CALHM4: variants seen among roughly 807,000 people sequenced by gnomAD.
CALHM4 encodes calcium homeostasis modulator protein 4.
A neutral mutation model predicts 13.3 loss-of-function variants in CALHM4; 16 were observed. That is an observed-to-expected ratio of 1.20 (90% CI 0.81 to 1.82). CALHM4 has a LOEUF of 1.82. CALHM4 is among the 40% of genes most tolerant of loss of function. The probability of loss-of-function intolerance (pLI) is 0.00; values close to 1 mark genes in which losing one functional copy is unlikely to be tolerated. For missense variants in CALHM4, 344 were observed against 374.9 expected (o/e 0.92, Z 0.68); for synonymous variants, 127 against 137.1 (o/e 0.93, Z 0.52).
At chr6:116,552,188 C>T (rs1213735922), upstream of CALHM4, among the ~76,000 whole-genome samples, 1 of 152,154 alleles carries the variant, frequency 6.6e-6, no homozygotes, top group Non-Finnish European at 1.5e-5. Flanking sequence ...ACTAAGCACT[C>T]TGAAGATAAT....
chr6:116,531,451 G>A (rs537240713), intron 1 of CALHM4, among the ~76,000 whole-genome samples: 7 of 152,118 alleles, frequency 4.6e-5, no homozygotes, highest in Non-Finnish European at 8.8e-5. Context: ...GTTGAGTCAT[G>A]AAAATGGCAC....
At chr6:116,550,052 A>G (rs546008277), upstream of CALHM4, among the ~76,000 whole-genome samples, 4 of 147,156 alleles carry the variant, frequency 2.7e-5, no homozygotes, top group East Asian at 7.9e-4. Context: ...ACACACATCC[A>G]TAATTATAAA....
Position 116,554,160 on chromosome 6 carries a change from C to G in CALHM4, c.367C>G (p.Leu123Val). Residue 123 changes from leucine to valine, a missense_variant, in exon 1 of 2, where the codon CTG becomes GTG. Coordinates refer to ENST00000368596, the MANE Select transcript of CALHM4 (RefSeq NM_001366078.2). ...IAPLTWLAVTLLTGTYYECAA... is the reference protein window; with the variant it reads ...IAPLTWLAVTVLTGTYYECAA... ...TCCTTTAACTTGGCTGGCGGTGACC[C>G]TGCTGACAGGCACGTATTATGAATG... The G allele has an allele frequency of 6.4e-7, 1 of 1,550,532 alleles. No individual in the cohort carries two copies. Among genetic ancestry groups the G allele is most frequent in the South Asian group, 1.2e-5 (1 of 84,064 alleles).
At chr6:116,541,216 A>T (rs1441466170) in intron 1 of CALHM4, among the ~76,000 whole-genome samples, 1 of 152,168 alleles carries the variant, frequency 6.6e-6, no homozygotes, top group African/African-American at 2.4e-5. Context: ...AACAAGATAA[A>T]CTGAAAAACG....
intron 1 of CALHM4, among the ~76,000 whole-genome samples, chr6:116,541,888 A>G (rs1773486054): frequency 6.6e-6 from 1 of 152,194 alleles, no homozygotes; most frequent in African/African-American, 2.4e-5. Context: ...TTAAAAATGT[A>G]AGAGGCTCTC....
intron 1 of CALHM4, among the ~76,000 whole-genome samples, chr6:116,537,470 A>G (rs1488962231): frequency 6.6e-6 from 1 of 152,160 alleles, no homozygotes; most frequent in East Asian, 1.9e-4. Flanking sequence ...AATGGGGAAC[A>G]TTCTGGGTTT....
At chr6:116,535,746 T>A (rs1490994509) in intron 1 of CALHM4, among the ~76,000 whole-genome samples, 1 of 152,202 alleles carries the variant, frequency 6.6e-6, no homozygotes, top group Non-Finnish European at 1.5e-5. Flanking sequence ...TTAGACCAAC[T>A]GCAAAATTTT....
intron 1 of CALHM4, among the ~76,000 whole-genome samples, chr6:116,538,037 G>A (rs1416371029): frequency 1.3e-5 from 2 of 152,260 alleles, no homozygotes; most frequent in Admixed American, 6.5e-5. Flanking sequence ...ATTCATATGG[G>A]ATATTTGTTA....
rs953670578 is a variant in CALHM4, at chr6:116,560,070, A to T, written c.*1859A>T. Among the ~76,000 whole-genome samples, 6 of 152,234 alleles carry T rather than the reference A, an allele frequency of 3.9e-5. No homozygotes were observed. The highest frequency in any genetic ancestry group is 8.8e-5 in the Non-Finnish European group (6 of 68,030). On this transcript the variant is annotated 3_prime_UTR_variant, in exon 2 of 2. Coordinates refer to ENST00000368596, the MANE Select transcript of CALHM4 (RefSeq NM_001366078.2). The stretch of plus-strand genomic sequence containing the variant: ...TGTTGTGGAAGGCAACTAGGGTTCT[A>T]GTTCCACACTGATACAAATGAACTG...
chr6:116,557,999 A>G lies in CALHM4; in HGVS notation c.733A>G (p.Met245Val). 6.2e-7 allele frequency: 1 copy of G among 1,614,112 alleles called. No homozygotes were observed. ...AGAGCAGCACTCTCGGCTCCTCATG[A>G]TGCATCGCATAAAGAAGCTATTTGG... is the stretch of plus-strand genomic sequence containing the variant. ...AAEQHSRLLM[M>V]HRIKKLFGFI... The change falls in exon 2 of 2, where the codon ATG (methionine) becomes GTG (valine). Residue 245 changes from methionine to valine, a missense_variant. By Grantham distance (21) the Met-to-Val change is conservative (BLOSUM62 1). Coordinates refer to ENST00000368596, the MANE Select transcript of CALHM4 (RefSeq NM_001366078.2).
At chr6:116,530,750 T>A (rs1230232621) in intron 1 of CALHM4, among the ~76,000 whole-genome samples, 2 of 151,850 alleles carry the variant, frequency 1.3e-5, no homozygotes, top group Non-Finnish European at 2.9e-5. Flanking sequence ...AAGACAGTTT[T>A]GTCTACTTCA....
At chr6:116,555,111 A>G (rs1186207162) in intron 1 of CALHM4, among the ~76,000 whole-genome samples, 2 of 152,332 alleles carry the variant, frequency 1.3e-5, no homozygotes, top group East Asian at 1.9e-4. Context: ...TGGTAACCTT[A>G]GAGTTATTAC....
chr6:116,554,967 G>T (rs1175593416), intron 1 of CALHM4, among the ~76,000 whole-genome samples: 1 of 152,190 alleles, frequency 6.6e-6, no homozygotes, highest in Admixed American at 6.5e-5. Context: ...CATTTTGTCA[G>T]TAGAAAGAGT....
chr6:116,536,931 G>A (rs567399681), intron 1 of CALHM4, among the ~76,000 whole-genome samples: 6 of 152,312 alleles, frequency 3.9e-5, no homozygotes, highest in Admixed American at 3.9e-4. Context: ...CCACAGGCCC[G>A]ACGTTTGGAT....
At chr6:116,552,454 ATTCCTTCCTTTTT>A (rs1481692012), upstream of CALHM4, among the ~76,000 whole-genome samples, 1 of 151,990 alleles carries the variant, frequency 6.6e-6, no homozygotes, top group African/African-American at 2.4e-5. Flanking sequence ...TTGCCTGTCT[ATTCCTTCCTTTTT>A]TCTTCCAGAA....
chr6:116,557,058 C>T (rs1455523307), intron 1 of CALHM4, among the ~76,000 whole-genome samples: 1 of 151,490 alleles, frequency 6.6e-6, no homozygotes, highest in African/African-American at 2.4e-5. Flanking sequence ...GTGCCTCAGC[C>T]TCCCGAGTAG....
At chr6:116,543,765 T>C (rs1408389077) in exon 2 of CALHM4, 9 of 1,449,308 alleles carry the variant, frequency 6.2e-6, no homozygotes, top group African/African-American at 2.8e-5. Flanking sequence ...ATGTTTTCAG[T>C]TGGAAGCAAG....
intron 1 of CALHM4, among the ~76,000 whole-genome samples, chr6:116,557,096 C>A (rs1208964451): frequency 6.6e-6 from 1 of 151,940 alleles, no homozygotes; most frequent in African/African-American, 2.4e-5. Context: ...TGCCACCATG[C>A]CCGACTAATT....
chr6:116,553,488 T>C (rs965703806), upstream of CALHM4, among the ~76,000 whole-genome samples: 4 of 152,214 alleles, frequency 2.6e-5, no homozygotes, highest in Non-Finnish European at 5.9e-5. Flanking sequence ...AAGCAGCACA[T>C]AGAAAGATGG....
Sources: allele counts gnomAD v4.1 joint callset (sites outside exome capture counted in the v4.1 genomes callset), GRCh38; gene constraint gnomAD v4.1.1; transcripts MANE v1.5; gene names NCBI Gene and HGNC (gene_info 2026-07-23, HGNC 2026-07-21).